The following FBN1 variants were observed in gnomAD, a reference collection of about 807,000 sequenced individuals.
The protein encoded by FBN1 is fibrillin-1.
In FBN1, 29 loss-of-function variants were observed where a neutral mutation model predicts 365.1. That is an observed-to-expected ratio of 0.08 (90% CI 0.06 to 0.11). The LOEUF (loss-of-function observed/expected upper bound fraction) is 0.11, where lower values mean the gene tolerates loss of function less well. FBN1 is among the 10% of genes least tolerant of loss of function. FBN1 has a pLI of 1.00. For synonymous variants in FBN1, 1,210 were observed against 1,270.5 expected (o/e 0.95, Z 1.01); for missense variants, 2,476 against 3,703.2 (o/e 0.67, Z 8.60).
intron 2 of FBN1, among the ~76,000 whole-genome samples, chr15:48,634,857 C>CACACA (rs1491343326): frequency 7.2e-5 from 5 of 69,174 alleles, no homozygotes; most frequent in African/African-American, 2.7e-4. Context: ...AAAAAAAAAA[C>CACACA]CACACACACA....
chr15:48,635,644 TAG>T (rs2140772187), intron 2 of FBN1, among the ~76,000 whole-genome samples: 1 of 152,308 alleles, frequency 6.6e-6, no homozygotes, highest in African/African-American at 2.4e-5. Context: ...GTTAATAAAT[TAG>T]AGTGATTGCC....
chr15:48,430,545 A>C, intron 56 of FBN1, 126 bp downstream of exon 56: 3 of 1,020,052 alleles, frequency 2.9e-6, no homozygotes, highest in Non-Finnish European at 4.6e-6. Flanking sequence ...GAGAGTCCTG[A>C]CATGCGGTTA....
At chr15:48,458,602 T>C (rs139177250) in intron 43 of FBN1, among the ~76,000 whole-genome samples, 4 of 152,354 alleles carry the variant, frequency 2.6e-5, no homozygotes, top group African/African-American at 9.6e-5. Context: ...ATAAGTGATA[T>C]ATTATTATCA....
intron 2 of FBN1, among the ~76,000 whole-genome samples, chr15:48,627,207 AAAAT>A (rs1244426975): frequency 1.3e-5 from 2 of 152,200 alleles, no homozygotes; most frequent in East Asian, 1.9e-4. Flanking sequence ...CTAGGTTTGC[AAAAT>A]AAATAAATAA....
rs25436 is a variant in FBN1, at chr15:48,515,484, G to C, written c.1371C>G (p.Arg457=). ...VNVTDYCQLV[R]YLCQNGRCIP... is the part of the protein sequence containing the mutation. ...TGCAGCGTCCATTTTGACAGAGATA[G>C]CGGACCAACTGGCAGTAATCAGTAA... is the stretch of plus-strand genomic sequence containing the variant. Residue 457 remains arginine, a synonymous_variant, in exon 12 of 66, where the codon CGC becomes CGG. Transcript: ENST00000316623. The C allele has an allele frequency of 1.6e-4, 266 of 1,614,042 alleles. No individual in the cohort carries two copies. In the East Asian group the frequency reaches 5.7e-3, roughly 35 times the overall value.
chr15:48,451,167 A>G (rs2043198508), intron 45 of FBN1, among the ~76,000 whole-genome samples: 1 of 152,240 alleles, frequency 6.6e-6, no homozygotes, highest in Admixed American at 6.5e-5. Flanking sequence ...ATCTATAAAT[A>G]GCTCTGTCCC....
At chr15:48,528,225 G>A (rs2043932937) in intron 8 of FBN1, among the ~76,000 whole-genome samples, 1 of 152,178 alleles carries the variant, frequency 6.6e-6, no homozygotes, top group African/African-American at 2.4e-5. Context: ...ATATCTAAAA[G>A]GTTTAAATGA....
chr15:48,533,710 C>T (rs529732790), intron 8 of FBN1, among the ~76,000 whole-genome samples: 27 of 152,192 alleles, frequency 1.8e-4, no homozygotes, highest in South Asian at 8.3e-4. Context: ...AGAAAAACTT[C>T]GGAAGATATA....
intron 60 of FBN1, among the ~76,000 whole-genome samples, chr15:48,423,312 G>A (rs2042956906): frequency 6.6e-6 from 1 of 152,124 alleles, no homozygotes; most frequent in Admixed American, 6.5e-5. Flanking sequence ...CACTCCACAG[G>A]GCCAGTTCCT....
chr15:48,464,878 A>G (rs1388544483), intron 40 of FBN1, among the ~76,000 whole-genome samples: 1 of 152,184 alleles, frequency 6.6e-6, no homozygotes, highest in East Asian at 1.9e-4. Flanking sequence ...TGTGCCATAT[A>G]CACTGTGATG....
In FBN1 at chr15:48,457,320, G is replaced by A. The variant is rs899638964; in HGVS notation, c.5297-558C>T. ...AGGTCAGCACCAAGGAAGAACTGTC[G>A]CAGTAGAATGTGTGCTTCCTAAGAC... On this transcript the variant is annotated intron_variant, in intron 43 of 65. Coordinates refer to ENST00000316623, the MANE Select transcript of FBN1 (RefSeq NM_000138.5). 5.3e-5 allele frequency among the ~76,000 whole-genome samples: 8 copies of A among 152,344 alleles called. No individual in the cohort carries two copies. In the South Asian group the frequency reaches 6.2e-4, roughly 12 times the overall value.
intron 38 of FBN1, among the ~76,000 whole-genome samples, chr15:48,466,078 C>A (rs1263358710): frequency 6.6e-6 from 1 of 152,194 alleles, no homozygotes; most frequent in Non-Finnish European, 1.5e-5. Flanking sequence ...TGTCCTCAGT[C>A]CTTGAACTCT....
chr15:48,477,124 G>A lies in FBN1; in HGVS notation c.3965-2474C>T, dbSNP rs563148003. ...TCTTTCCAGTTTTCTAATGACCAGA[G>A]GTACTCTTATTTTATGAGTATTATC... On this transcript the variant is annotated intron_variant, in intron 32 of 65. Coordinates refer to ENST00000316623, the MANE Select transcript of FBN1 (RefSeq NM_000138.5). Among the ~76,000 whole-genome samples the A allele has an allele frequency of 4.0e-5, 6 of 151,866 alleles. No individual in the cohort carries two copies. In the South Asian group the frequency reaches 1.0e-3, roughly 26 times the overall value.
At chr15:48,502,883 T>G (rs1482182305) in intron 17 of FBN1, among the ~76,000 whole-genome samples, 1 of 152,202 alleles carries the variant, frequency 6.6e-6, no homozygotes, top group Non-Finnish European at 1.5e-5. Context: ...ATTAAGTAAT[T>G]TGGCTGCCTG....
At chr15:48,492,791 C>A (rs773610352) in intron 23 of FBN1, among the ~76,000 whole-genome samples, 2 of 152,164 alleles carry the variant, frequency 1.3e-5, no homozygotes, top group Non-Finnish European at 2.9e-5. Flanking sequence ...GTAAGAGTTT[C>A]TCCATTGGTT....
intron 9 of FBN1, 48 bp downstream of exon 9, chr15:48,526,082 T>C (rs1566919565): frequency 1.9e-6 from 3 of 1,611,202 alleles, no homozygotes; most frequent in African/African-American, 1.3e-5. Context: ...TTGTTTGTTA[T>C]GGAACTGACT....
intron 6 of FBN1, among the ~76,000 whole-genome samples, chr15:48,543,355 C>G (rs888504493): frequency 6.6e-6 from 1 of 152,170 alleles, no homozygotes. Context: ...GGCCCAAATA[C>G]AAGGCCTATT....
intron 4 of FBN1, among the ~76,000 whole-genome samples, chr15:48,603,053 A>G (rs1327135504): frequency 6.6e-6 from 1 of 152,240 alleles, no homozygotes; most frequent in Admixed American, 6.5e-5. Context: ...ACAGTAGTTT[A>G]GTGACTTTAC....
rs1030153819 is a variant in FBN1, at chr15:48,625,887, C to G, written c.165-12795G>C. Among the ~76,000 whole-genome samples, 6 of 152,222 alleles carry G rather than the reference C, an allele frequency of 3.9e-5. No individual in the cohort carries two copies. The South Asian group carries it at 1.2e-3, about 32-fold the overall frequency. The stretch of plus-strand genomic sequence containing the variant: ...TTAAATATAGCAAGTTCAGATTTAT[C>G]TTTACAATCCCAGCACCTAACACAA... On this transcript the variant is annotated intron_variant, in intron 2 of 65. Coordinates refer to ENST00000316623, the MANE Select transcript of FBN1 (RefSeq NM_000138.5).
Sources: gnomAD v4.1 joint callset for allele counts (sites outside exome capture counted in the v4.1 genomes callset) on GRCh38, gnomAD v4.1.1 for gene constraint, MANE v1.5 for transcripts, NCBI Gene and HGNC (gene_info 2026-07-23, HGNC 2026-07-21) for gene names.